The following NCAPD2 variants were observed in gnomAD, a reference collection of about 807,000 sequenced individuals.
The protein encoded by NCAPD2 is condensin complex subunit 1.
A neutral mutation model predicts 164.5 loss-of-function variants in NCAPD2; 100 were observed. The ratio of observed to expected loss-of-function variants is 0.61; its 90% confidence interval spans 0.52 to 0.72. NCAPD2 has a LOEUF of 0.72. NCAPD2 is among the 30% of genes least tolerant of loss of function. The pLI, the probability that NCAPD2 is intolerant of heterozygous loss-of-function variation, is 0.00. For synonymous variants in NCAPD2, 585 were observed against 642.6 expected (o/e 0.91, Z 1.36); for missense variants, 1,560 against 1,749.2 (o/e 0.89, Z 1.93).
rs1215543881 is a variant in NCAPD2, at chr12:6,521,959, G to A, written c.1876G>A (p.Asp626Asn). ...GGAGATGCTGGTACAGTATCTGCAG[G>A]ATGCCTACAGCTTCTCCCGGAAGAT... is the stretch of plus-strand genomic sequence containing the variant. ...KQEMLVQYLQ[D>N]AYSFSRKITE... Residue 626 changes from aspartate (D) to asparagine (N), a missense_variant, in exon 15 of 32, where the codon GAT (aspartate) becomes AAT (asparagine). Physicochemically the swap from Asp to Asn is conservative, Grantham distance 23. Coordinates refer to ENST00000315579, the MANE Select transcript of NCAPD2 (RefSeq NM_014865.4). The A allele has an allele frequency of 6.8e-6, 11 of 1,613,998 alleles. No homozygotes were observed. The highest frequency in any genetic ancestry group is 9.3e-6 in the Non-Finnish European group (11 of 1,180,026).
rs1242738698 is a variant in NCAPD2, at chr12:6,525,716, G to A, written c.2348G>A (p.Arg783Gln). 2.5e-5 allele frequency: 41 copies of A among 1,612,950 alleles called. No individual in the cohort carries two copies. The highest frequency in any genetic ancestry group is 3.5e-5 in the Non-Finnish European group (41 of 1,179,368). ...GTCATGCTTCTTGGCATGATGGCAC[G>A]GTGAGGCTCAAATCTAGCAGGCAAT... ...SSVMLLGMMA[R>Q]GKPEIVGSNL... is the part of the protein sequence containing the mutation. Residue 783 changes from arginine to glutamine, a missense_variant and splice_region_variant, in exon 18 of 32, where the codon CGA (arginine) becomes CAA (glutamine). Coordinates refer to ENST00000315579, the MANE Select transcript of NCAPD2 (RefSeq NM_014865.4).
chr12:6,518,513 T>TTTTTGTTTG (rs1565544157), intron 13 of NCAPD2, among the ~76,000 whole-genome samples: 1 of 105,296 alleles, frequency 9.5e-6, no homozygotes, highest in African/African-American at 4.0e-5. Flanking sequence ...AGTTTTTTTT[T>TTTTTGTTTG]TTTTTTTTTT....
chr12:6,497,033 A>G (rs770532992), intron 2 of NCAPD2, among the ~76,000 whole-genome samples: 1 of 152,218 alleles, frequency 6.6e-6, no homozygotes, highest in Non-Finnish European at 1.5e-5. Context: ...TGTACAGGTA[A>G]GAGAAATAGA....
chr12:6,528,450 T>C lies in NCAPD2; in HGVS notation c.3299+122T>C, dbSNP rs1234126011. ...GGCATCACCGCGAACATCTGCTTGATACTTGACCTGTACAGGCCCCTGGCT... is the reference window on the plus strand; with the variant it reads ...GGCATCACCGCGAACATCTGCTTGACACTTGACCTGTACAGGCCCCTGGCT... On this transcript the variant is annotated intron_variant, in intron 25 of 31. Transcript: ENST00000315579. This position sits in a 1 kb window ranked among gnomAD's most constrained non-coding sequence, Gnocchi z 5.1. The C allele has an allele frequency of 1.4e-6, 2 of 1,390,376 alleles. No individual in the cohort carries two copies. Among genetic ancestry groups the C allele is most frequent in the African/African-American group, 2.9e-5 (2 of 70,120 alleles). 86.1% of individuals were successfully genotyped at this position (1,390,376 alleles called of 1,614,324 possible). A position where few individuals can be genotyped will look rare whatever the true frequency, so the allele number is the denominator to read the frequency against.
At chr12:6,509,830 GGTGACTGTTTGTCCT>G (rs1340590739) in intron 3 of NCAPD2, 38 bp downstream of exon 3, 1 of 1,595,804 alleles carries the variant, frequency 6.3e-7, no homozygotes, top group Non-Finnish European at 8.6e-7. Context: ...AAAAAGAACT[GGTGACTGTTTGTCCT>G]AACTGTGCAT....
intron 10 of NCAPD2, 133 bp downstream of exon 10, chr12:6,517,158 T>C: frequency 7.8e-7 from 1 of 1,275,654 alleles, no homozygotes; most frequent in African/African-American, 1.5e-5. Flanking sequence ...GTAGTAAAAG[T>C]CTTCCTCTAC....
Position 6,521,879 on chromosome 12 carries a change from A to C in NCAPD2, c.1796A>C (p.Lys599Thr), listed in dbSNP as rs147032879. 3.7e-6 allele frequency: 6 copies of C among 1,614,130 alleles called. No homozygotes were observed. In the Admixed American group the frequency reaches 1.0e-4, roughly 27 times the overall value. The change falls in exon 15 of 32, where the codon AAA becomes ACA. Residue 599 changes from lysine to threonine, a missense_variant. Lys to Thr is a moderately conservative substitution (Grantham distance 78, BLOSUM62 -1). Transcript: ENST00000315579. ...MVTGQTVCKN[K>T]PNMSDPEESR... ...ACAGGACAGACTGTCTGTAAAAATA[A>C]ACCCAATATGTCGGATCCTGAGGAA...
In NCAPD2 at chr12:6,495,217, A is replaced by C. The variant is rs1420522627; in HGVS notation, c.119A>C (p.Gln40Pro). Residue 40 changes from glutamine (Q) to proline (P), a missense_variant, in exon 2 of 32, where the codon CAG (glutamine) becomes CCG (proline). Physicochemically the swap from Gln to Pro is moderately conservative, Grantham distance 76. Transcript: ENST00000315579. Reference sequence around the variant, plus strand: ...CTGTCCATCAAACATCTTCCACCACAGCTTAGAGGTAAGAGTCCATAGCTG... The same window carrying C: ...CTGTCCATCAAACATCTTCCACCACCGCTTAGAGGTAAGAGTCCATAGCTG... ...EVLSIKHLPP[Q>P]LRAFQAAFRA... is the part of the protein sequence containing the mutation. 7 of 1,614,184 alleles carry C rather than the reference A, an allele frequency of 4.3e-6. No homozygotes were observed. In the East Asian group the frequency reaches 1.6e-4, roughly 36 times the overall value.
intron 2 of NCAPD2, among the ~76,000 whole-genome samples, chr12:6,497,776 G>T (rs750278326): frequency 6.6e-6 from 1 of 151,760 alleles, no homozygotes; most frequent in Non-Finnish European, 1.5e-5. Context: ...ATGCCACCAC[G>T]CCCGGCTAAT....
chr12:6,498,693 C>T (rs539098850), intron 2 of NCAPD2, among the ~76,000 whole-genome samples: 10 of 152,104 alleles, frequency 6.6e-5, no homozygotes, highest in South Asian at 2.1e-4. Context: ...CTGCAACCTC[C>T]GCCTCCCAGG....
At chr12:6,530,062 C>T in intron 29 of NCAPD2, 104 bp downstream of exon 29, 1 of 1,301,292 alleles carries the variant, frequency 7.7e-7, no homozygotes, top group Non-Finnish European at 1.0e-6. Flanking sequence ...TCCCGTCCTC[C>T]TTATCCCCAG....
At chr12:6,504,268 G>A (rs1461683934) in intron 2 of NCAPD2, among the ~76,000 whole-genome samples, 1 of 122,076 alleles carries the variant, frequency 8.2e-6, no homozygotes, top group Non-Finnish European at 1.8e-5. Flanking sequence ...ACAACGTGGG[G>A]GTTAGGGATG....
chr12:6,531,136 G>GT lies in NCAPD2; in HGVS notation c.4120+63dup. On this transcript the variant is annotated intron_variant, in intron 31 of 31. Transcript: ENST00000315579. The surrounding 1 kb of genome is among the most constrained non-coding windows in gnomAD (Gnocchi z 4.1). Reference sequence around the variant, plus strand: ...CACACAGCTAGGGTGCAGAGGGCTGGTTTCCATAGGACCTGCTGCGGGGGC... The same window carrying GT: ...CACACAGCTAGGGTGCAGAGGGCTGGTTTTCCATAGGACCTGCTGCGGGGGC... The GT allele has an allele frequency of 6.2e-7, 1 of 1,602,084 alleles. No homozygotes were observed. The highest frequency in any genetic ancestry group is 8.5e-7 in the Non-Finnish European group (1 of 1,173,114).
chr12:6,504,118 G>A (rs34865569), intron 2 of NCAPD2, among the ~76,000 whole-genome samples: 49,995 of 148,202 alleles, frequency 0.34, 9,020 homozygotes, highest in African/African-American at 0.46. Flanking sequence ...ACCATACAGC[G>A]TGCTAAGTGT....
chr12:6,526,004 G>A, intron 18 of NCAPD2, 64 bp from the exon 19 acceptor site: 1 of 1,583,196 alleles, frequency 6.3e-7, no homozygotes. Flanking sequence ...ACCCCTATTG[G>A]CCCTTTCTCC....
At chr12:6,496,650 T>G (rs949877196) in intron 2 of NCAPD2, among the ~76,000 whole-genome samples, 5 of 151,510 alleles carry the variant, frequency 3.3e-5, no homozygotes, top group African/African-American at 1.2e-4. Context: ...GTCTCGAACT[T>G]CTGGGCTCAA....
At position 6,510,063 on chromosome 12, in the gene NCAPD2, T is replaced by C; in HGVS notation, c.204-12T>C. On this transcript the variant is annotated splice_polypyrimidine_tract_variant and intron_variant, in intron 3 of 31. Coordinates refer to ENST00000315579, the MANE Select transcript of NCAPD2 (RefSeq NM_014865.4). Reference sequence around the variant, plus strand: ...CTTCCTGTCTCACCCCCACACTTTCTTTCCCTCATAGTCACTTTCGAAGTA... The same window carrying C: ...CTTCCTGTCTCACCCCCACACTTTCCTTCCCTCATAGTCACTTTCGAAGTA... The C allele has an allele frequency of 6.2e-7, 1 of 1,612,414 alleles. No individual in the cohort carries two copies. Among genetic ancestry groups the C allele is most frequent in the Non-Finnish European group, 8.5e-7 (1 of 1,178,394 alleles).
intron 8 of NCAPD2, 72 bp from the exon 9 acceptor site, chr12:6,514,701 G>A (rs1946183061): frequency 1.9e-6 from 3 of 1,607,122 alleles, no homozygotes; most frequent in East Asian, 2.2e-5. Context: ...TTAGATACCT[G>A]TCTTACCTTC....
chr12:6,498,299 T>C (rs1197951176), intron 2 of NCAPD2, among the ~76,000 whole-genome samples: 1 of 152,214 alleles, frequency 6.6e-6, no homozygotes, highest in Non-Finnish European at 1.5e-5. Context: ...GATCAAATCA[T>C]TTAATTCATT....
Sources: gnomAD v4.1 joint callset for allele counts (sites outside exome capture counted in the v4.1 genomes callset) on GRCh38, gnomAD v4.1.1 for gene constraint, Gnocchi (gnomAD v3.1) non-coding constraint, MANE v1.5 for transcripts, NCBI Gene and HGNC (gene_info 2026-07-23, HGNC 2026-07-21) for gene names.